EBF3: variants seen among roughly 807,000 people sequenced by gnomAD.
EBF3 encodes the protein EBF transcription factor 3.
Under a neutral mutation model 77.1 loss-of-function variants are expected in EBF3, and 18 were observed. The observed-to-expected ratio is 0.23, with a 90% CI of 0.16 to 0.35. The LOEUF (loss-of-function observed/expected upper bound fraction) is 0.35. Among genes scored for constraint, EBF3 ranks in the 10% least tolerant of loss-of-function variants. The pLI, the probability that EBF3 is intolerant of heterozygous loss-of-function variation, is 1.00. For synonymous variants in EBF3, 350 were observed against 343.5 expected, an observed-to-expected ratio of 1.02 and a Z score of -0.21; for missense variants, 558 against 860.0, an observed-to-expected ratio of 0.65 and a Z score of 4.39.
chr10:129,959,555 C>A (rs1391968585), intron 4 of EBF3, among the ~76,000 whole-genome samples: 1 of 152,000 alleles, frequency 6.6e-6, no homozygotes, highest in Non-Finnish European at 1.5e-5. Flanking sequence ...CCCTGCCCTG[C>A]GCGCTCCCCC....
chr10:129,851,242 G>A (rs956233959), intron 10 of EBF3, among the ~76,000 whole-genome samples: 3 of 152,168 alleles, frequency 2.0e-5, no homozygotes, highest in Non-Finnish European at 4.4e-5. Context: ...CTGACCTCGT[G>A]GATAATTAGA....
At chr10:129,917,190 G>A (rs1435370704) in intron 6 of EBF3, among the ~76,000 whole-genome samples, 1 of 152,106 alleles carries the variant, frequency 6.6e-6, no homozygotes, top group Non-Finnish European at 1.5e-5. Context: ...CCAACATGGC[G>A]AAACCCCATC....
chr10:129,887,826 TCTC>T (rs1241515373), intron 6 of EBF3, among the ~76,000 whole-genome samples: 2 of 151,970 alleles, frequency 1.3e-5, no homozygotes, highest in East Asian at 3.9e-4. Context: ...GCGGCCCTGA[TCTC>T]CTTTCAGAGC....
At chr10:129,942,026 A>G (rs1332488423) in intron 6 of EBF3, among the ~76,000 whole-genome samples, 2 of 152,148 alleles carry the variant, frequency 1.3e-5, no homozygotes, top group Non-Finnish European at 2.9e-5. Context: ...CAGTGGCCCA[A>G]GCTGTTGACC....
intron 6 of EBF3, among the ~76,000 whole-genome samples, chr10:129,934,556 A>T (rs1479553872): frequency 1.3e-5 from 2 of 152,016 alleles, no homozygotes; most frequent in East Asian, 3.9e-4. Flanking sequence ...GCTCTGGGTA[A>T]TTGTTTGACT....
intron 10 of EBF3, among the ~76,000 whole-genome samples, chr10:129,865,856 C>T (rs1186355850): frequency 2.6e-5 from 4 of 152,186 alleles, no homozygotes; most frequent in African/African-American, 4.8e-5. Context: ...TCCCATTGGG[C>T]GTCCTTCAGG....
chr10:129,956,478 T>C (rs1039776598), intron 6 of EBF3, among the ~76,000 whole-genome samples: 4 of 151,850 alleles, frequency 2.6e-5, no homozygotes, highest in Non-Finnish European at 5.9e-5. Context: ...ACCCAGCGAG[T>C]TGGGAGAGGG....
chr10:129,842,192 C>T lies in EBF3; in HGVS notation c.1296G>A (p.Thr432=), dbSNP rs779393378. ...TGAAGGAGTTGACGCCCATCATGCC[C>T]GTGTGTGCAGGGTTGTTGCCCAGGG... ...IPTLGNNPAH[T]GMMGVNSFSS... Residue 432 remains threonine, a synonymous_variant, in exon 13 of 17, where the codon ACG becomes ACA. Transcript: ENST00000440978. The surrounding 1 kb of genome is among the most constrained non-coding windows in gnomAD (Gnocchi z 4.4). The T allele has an allele frequency of 1.7e-5, 27 of 1,614,102 alleles. No individual in the cohort carries two copies. In the Admixed American group the frequency reaches 2.0e-4, roughly 12 times the overall value.
At chr10:129,934,107 G>C (rs1479911946) in intron 6 of EBF3, among the ~76,000 whole-genome samples, 1 of 152,200 alleles carries the variant, frequency 6.6e-6, no homozygotes, top group Non-Finnish European at 1.5e-5. Flanking sequence ...TGAGCATCTT[G>C]TATTTTGCCA....
intron 16 of EBF3, among the ~76,000 whole-genome samples, chr10:129,838,700 C>A (rs987656630): frequency 2.0e-5 from 3 of 152,194 alleles, no homozygotes; most frequent in Non-Finnish European, 4.4e-5. Flanking sequence ...AAATCTTTTA[C>A]CGCTGGTGTT....
intron 3 of EBF3, 67 bp downstream of exon 3, chr10:129,962,875 C>T (rs993674103): frequency 4.5e-5 from 71 of 1,571,944 alleles, no homozygotes; most frequent in Non-Finnish European, 5.9e-5. Context: ...ATCTTTATGT[C>T]CTTTCACCAG....
At chr10:129,849,475 C>T (rs1850705677) in intron 10 of EBF3, among the ~76,000 whole-genome samples, 2 of 152,196 alleles carry the variant, frequency 1.3e-5, no homozygotes, top group Non-Finnish European at 2.9e-5. Context: ...TTAACACGCC[C>T]CACCTCAGCA....
At chr10:129,937,612 G>A (rs1269406417) in intron 6 of EBF3, among the ~76,000 whole-genome samples, 1 of 152,158 alleles carries the variant, frequency 6.6e-6, no homozygotes, top group African/African-American at 2.4e-5. Context: ...CTGAGGCCAT[G>A]GGAAAGAGAA....
intron 4 of EBF3, among the ~76,000 whole-genome samples, chr10:129,959,609 G>A (rs910560520): frequency 6.6e-6 from 1 of 151,868 alleles, no homozygotes; most frequent in Non-Finnish European, 1.5e-5. Flanking sequence ...GCGGCTTCCC[G>A]CGTTCCAAAC....
At chr10:129,889,498 G>C (rs979102494) in intron 6 of EBF3, among the ~76,000 whole-genome samples, 1 of 152,078 alleles carries the variant, frequency 6.6e-6, no homozygotes, top group African/African-American at 2.4e-5. Context: ...CTTTCTTGTC[G>C]GACGGTTCCA....
At chr10:129,912,849 T>A (rs1855616621) in intron 6 of EBF3, among the ~76,000 whole-genome samples, 1 of 152,214 alleles carries the variant, frequency 6.6e-6, no homozygotes, top group Non-Finnish European at 1.5e-5. Flanking sequence ...CTGGGTCTAA[T>A]CCCCCTGAGC....
intron 6 of EBF3, among the ~76,000 whole-genome samples, chr10:129,942,266 C>T (rs897554371): frequency 6.6e-6 from 1 of 152,164 alleles, no homozygotes; most frequent in Non-Finnish European, 1.5e-5. Context: ...AAACATCTTT[C>T]TAGGGTGGTC....
rs1026619417 is a variant in EBF3 at position 129,943,702 on chromosome 10, T to A, written c.554+13556A>T. Reference sequence around the variant, plus strand: ...ATTTTTTTTTTACCTCTGCTATGAATTAAAAGAATTGCTAGGAATTCTTTT... The same window carrying A: ...ATTTTTTTTTTACCTCTGCTATGAAATAAAAGAATTGCTAGGAATTCTTTT... On this transcript the variant is annotated intron_variant, in intron 6 of 16. Transcript: ENST00000440978. This position sits in a 1 kb window ranked among gnomAD's most constrained non-coding sequence, Gnocchi z 8.8. 6.6e-6 allele frequency among the ~76,000 whole-genome samples: 1 copy of A among 152,190 alleles called. No individual in the cohort carries two copies. Among genetic ancestry groups the A allele is most frequent in the African/African-American group, 2.4e-5 (1 of 41,440 alleles).
At position 129,912,113 on chromosome 10, in the gene EBF3, C is replaced by T. The variant is rs145857468; in HGVS notation, c.555-34264G>A. Among the ~76,000 whole-genome samples the T allele has an allele frequency of 1.3e-4, 20 of 152,290 alleles. No individual in the cohort carries two copies. In the East Asian group the frequency reaches 3.3e-3, roughly 25 times the overall value. The stretch of plus-strand genomic sequence containing the variant: ...GGAGCAACTGCCCCACCACCAAGTA[C>T]AAAAGTTGGGGGAGGTCCTCGCGCA... On this transcript the variant is annotated intron_variant, in intron 6 of 16. Transcript: ENST00000440978.
Sources: allele counts gnomAD v4.1 joint callset (sites outside exome capture counted in the v4.1 genomes callset), GRCh38; gene constraint gnomAD v4.1.1; non-coding constraint Gnocchi (gnomAD v3.1); transcripts MANE v1.5; gene names NCBI Gene and HGNC (gene_info 2026-07-23, HGNC 2026-07-21).